Variants in DPP6 observed in about 807,000 individuals in gnomAD.
The protein encoded by DPP6 is A-type potassium channel modulatory protein DPP6.
In DPP6, 69 loss-of-function variants were observed where a neutral mutation model predicts 122.6. The ratio of observed to expected loss-of-function variants is 0.56; its 90% confidence interval spans 0.46 to 0.69. DPP6 has a LOEUF of 0.69. DPP6 is among the 30% of genes least tolerant of loss of function. The pLI is 0.00. For synonymous variants in DPP6, 418 were observed against 433.1 expected, an observed-to-expected ratio of 0.97 and a Z score of 0.43; for missense variants, 928 against 1,116.9, an observed-to-expected ratio of 0.83 and a Z score of 2.41.
At chr7:153,915,710 C>G (rs1353233628) in intron 1 of DPP6, among the ~76,000 whole-genome samples, 1 of 152,164 alleles carries the variant, frequency 6.6e-6, no homozygotes, top group East Asian at 1.9e-4. Context: ...CAGAAAGTCA[C>G]CTTCTGCTCC....
chr7:154,675,686 A>C (rs1291021606), intron 7 of DPP6, among the ~76,000 whole-genome samples: 1 of 152,084 alleles, frequency 6.6e-6, no homozygotes, highest in Non-Finnish European at 1.5e-5. Flanking sequence ...CCCTTTCCTC[A>C]CTAGCTTCTG....
chr7:153,996,304 T>C (rs1585150156), intron 1 of DPP6, among the ~76,000 whole-genome samples: 1 of 152,246 alleles, frequency 6.6e-6, no homozygotes, highest in African/African-American at 2.4e-5. Flanking sequence ...ATTTGAACTT[T>C]ATTTCAAATT....
intron 1 of DPP6, among the ~76,000 whole-genome samples, chr7:154,271,081 C>T (rs1370534230): frequency 1.3e-5 from 2 of 152,176 alleles, no homozygotes; most frequent in Non-Finnish European, 1.5e-5. Context: ...TTCTAGGATT[C>T]CAGGATGTCT....
At chr7:153,771,467 G>A in the DPP6 span, among the ~76,000 whole-genome samples, 1 of 152,148 alleles carries the variant, frequency 6.6e-6, no homozygotes, top group Non-Finnish European at 1.5e-5. Context: ...AGCCTCCCAA[G>A]TAGCTGGTAT....
chr7:154,084,825 T>G (rs1003096756), intron 1 of DPP6, among the ~76,000 whole-genome samples: 1 of 149,924 alleles, frequency 6.7e-6, no homozygotes, highest in Non-Finnish European at 1.5e-5. Context: ...CCATCTCTAC[T>G]AAAAATACAA....
At chr7:154,492,712 T>C (rs1824386081) in intron 3 of DPP6, among the ~76,000 whole-genome samples, 1 of 152,176 alleles carries the variant, frequency 6.6e-6, no homozygotes, top group Non-Finnish European at 1.5e-5. Flanking sequence ...GCTAGTGTCA[T>C]AAGAGAGCAG....
chr7:154,434,527 T>C (rs1389894510), intron 1 of DPP6, among the ~76,000 whole-genome samples: 3 of 152,098 alleles, frequency 2.0e-5, no homozygotes, highest in Admixed American at 2.0e-4. Context: ...CTTCCATTTT[T>C]CTCCCAGTCC....
In DPP6 at chr7:154,123,472, A is replaced by G. The variant is rs1046232472; in HGVS notation, c.243+70409A>G. The stretch of plus-strand genomic sequence containing the variant: ...AATAAGTGGTATTTCATAAACCAGG[A>G]TACATGATCATTTACTTCCTGATAG... On this transcript the variant is annotated intron_variant, in intron 1 of 25. Transcript: ENST00000377770. 4.6e-5 allele frequency among the ~76,000 whole-genome samples: 7 copies of G among 152,264 alleles called. No homozygotes were observed. In the Middle Eastern group the frequency reaches 0.017, roughly 370 times the overall value.
chr7:154,439,802 T>G (rs1202411648), intron 1 of DPP6, among the ~76,000 whole-genome samples: 1 of 152,236 alleles, frequency 6.6e-6, no homozygotes, highest in Admixed American at 6.5e-5. Flanking sequence ...GATTTCAAAC[T>G]GCTGTGCCCT....
the DPP6 span, among the ~76,000 whole-genome samples, chr7:153,822,456 G>A: frequency 1.3e-5 from 2 of 152,202 alleles, no homozygotes; most frequent in East Asian, 3.9e-4. Flanking sequence ...CTCCCACAGT[G>A]CTGGGATTAC....
intron 16 of DPP6, among the ~76,000 whole-genome samples, chr7:154,829,958 T>C (rs943706414): frequency 6.6e-6 from 1 of 152,132 alleles, no homozygotes; most frequent in African/African-American, 2.4e-5. Flanking sequence ...GTCTCGAGAC[T>C]GCCTGTGCCC....
chr7:153,842,940 GGAA>G, the DPP6 span, among the ~76,000 whole-genome samples: 1 of 152,084 alleles, frequency 6.6e-6, no homozygotes, highest in Non-Finnish European at 1.5e-5. Flanking sequence ...ATTTTTTATT[GGAA>G]GAAAATCGAT....
At chr7:154,621,928 C>T in intron 5 of DPP6, among the ~76,000 whole-genome samples, 1 of 152,166 alleles carries the variant, frequency 6.6e-6, no homozygotes, top group Non-Finnish European at 1.5e-5. Context: ...ACTAACTGTG[C>T]AAACGTGCGG....
intron 5 of DPP6, among the ~76,000 whole-genome samples, chr7:154,590,732 C>A (rs1832764548): frequency 6.6e-6 from 1 of 151,122 alleles, no homozygotes; most frequent in Non-Finnish European, 1.5e-5. Context: ...CGGGGTTTCT[C>A]CATGTTGGTC....
intron 1 of DPP6, among the ~76,000 whole-genome samples, chr7:154,425,273 G>T (rs35660473): frequency 0.77 from 117,058 of 152,048 alleles, 45,106 homozygotes; most frequent in East Asian, 0.83. Context: ...ATTTTTCATA[G>T]GAAACACCCA....
the DPP6 span, among the ~76,000 whole-genome samples, chr7:153,852,931 G>A: frequency 5.3e-5 from 8 of 152,206 alleles, no homozygotes; most frequent in South Asian, 4.2e-4. Context: ...GGAAGAGAAC[G>A]GACAAGCTAT....
intron 1 of DPP6, among the ~76,000 whole-genome samples, chr7:154,225,534 A>T (rs10247030): frequency 0.21 from 32,436 of 151,874 alleles, 6,312 homozygotes; most frequent in African/African-American, 0.52. Flanking sequence ...CAGTAATAAT[A>T]TTCATTGGTG....
intron 16 of DPP6, among the ~76,000 whole-genome samples, chr7:154,828,827 A>G (rs1241047113): frequency 2.0e-5 from 3 of 152,192 alleles, no homozygotes; most frequent in Non-Finnish European, 2.9e-5. Context: ...AAATCTTAAA[A>G]TCGTGGCATA....
chr7:154,744,809 A>T lies in DPP6; in HGVS notation c.883+16922A>T, dbSNP rs1188084785. On this transcript the variant is annotated intron_variant, in intron 8 of 25. Transcript: ENST00000377770. ...TCTTTTGCAATTTCCCGGGACCCAGATTTCTCAGGGTGCTTTGATTTTTCT... is the reference window on the plus strand; with the variant it reads ...TCTTTTGCAATTTCCCGGGACCCAGTTTTCTCAGGGTGCTTTGATTTTTCT... 3.3e-5 allele frequency among the ~76,000 whole-genome samples: 5 copies of T among 152,114 alleles called. No individual in the cohort carries two copies. In the South Asian group the frequency reaches 8.3e-4, roughly 25 times the overall value.
Sources: gnomAD v4.1 joint callset for allele counts (sites outside exome capture counted in the v4.1 genomes callset) on GRCh38, gnomAD v4.1.1 for gene constraint, MANE v1.5 for transcripts, NCBI Gene and HGNC (gene_info 2026-07-23, HGNC 2026-07-21) for gene names.